The following CRB1 variants were observed in gnomAD, a reference collection of about 807,000 sequenced individuals.
CRB1 encodes crumbs cell polarity complex component 1, also known as protein crumbs homolog 1.
A neutral mutation model predicts 120.0 loss-of-function variants in CRB1; 83 were observed. The observed-to-expected ratio is 0.69, with a 90% CI of 0.58 to 0.83. CRB1 has a LOEUF of 0.83. Ranked by LOEUF, CRB1 falls within the 40% of genes least tolerant of loss-of-function variation. CRB1 has a pLI of 0.00. For missense variants in CRB1, 1,699 were observed against 1,687.6 expected (o/e 1.01, Z -0.12); for synonymous variants, 625 against 612.5 (o/e 1.02, Z -0.30).
intron 5 of CRB1, among the ~76,000 whole-genome samples, chr1:197,368,221 C>G (rs1477263393): frequency 6.6e-6 from 1 of 151,378 alleles, no homozygotes; most frequent in Admixed American, 6.6e-5. Flanking sequence ...TTTTTTCTTA[C>G]TTACAATTTC....
At chr1:197,333,207 C>T (rs1400271326) in intron 2 of CRB1, among the ~76,000 whole-genome samples, 6 of 152,158 alleles carry the variant, frequency 3.9e-5, no homozygotes, top group South Asian at 2.1e-4. Context: ...GTTCACACTG[C>T]GTGAATTCTC....
At chr1:197,309,782 A>G (rs1657407529) in intron 1 of CRB1, among the ~76,000 whole-genome samples, 1 of 150,914 alleles carries the variant, frequency 6.6e-6, no homozygotes, top group African/African-American at 2.4e-5. Context: ...ATAAATAAAT[A>G]AATAAATAAA....
chr1:197,231,488 CAG>C, the CRB1 span, among the ~76,000 whole-genome samples: 1 of 151,990 alleles, frequency 6.6e-6, no homozygotes, highest in African/African-American at 2.4e-5. Flanking sequence ...AAAAGGACAA[CAG>C]GGGAACACTC....
intron 11 of CRB1, among the ~76,000 whole-genome samples, chr1:197,460,841 A>G (rs1373635184): frequency 2.6e-5 from 4 of 152,176 alleles, no homozygotes; most frequent in Admixed American, 1.3e-4. Flanking sequence ...AAGAGATGCC[A>G]TTACACATAG....
At chr1:197,255,867 G>T in the CRB1 span, among the ~76,000 whole-genome samples, 1 of 149,892 alleles carries the variant, frequency 6.7e-6, no homozygotes, top group South Asian at 2.1e-4. Flanking sequence ...CTTTCTATAG[G>T]ATAGGAGGAG....
At chr1:197,429,700 AC>A in intron 8 of CRB1, 86 bp downstream of exon 8, 1 of 1,370,528 alleles carries the variant, frequency 7.3e-7, no homozygotes, top group Non-Finnish European at 1.0e-6. Flanking sequence ...AAGAGTATAG[AC>A]AAAGCCAGTT....
the CRB1 span, among the ~76,000 whole-genome samples, chr1:197,262,454 C>G: frequency 6.6e-6 from 1 of 152,096 alleles, no homozygotes; most frequent in Admixed American, 6.6e-5. Context: ...ACATTTTAGA[C>G]TTTAACGACA....
intron 5 of CRB1, among the ~76,000 whole-genome samples, chr1:197,378,716 G>GT (rs35012524): frequency 0.25 from 38,656 of 152,022 alleles, 5,388 homozygotes; most frequent in Middle Eastern, 0.39. Context: ...TTTTCAAAGA[G>GT]TTTCTTCAGA....
At chr1:197,222,075 A>T in the CRB1 span, 18 of 199,092 alleles carry the variant, frequency 9.0e-5, no homozygotes, top group Non-Finnish European at 1.8e-4. Flanking sequence ...TACTTTTTTT[A>T]AAAAATATAT....
At chr1:197,254,847 A>C in the CRB1 span, among the ~76,000 whole-genome samples, 1 of 152,096 alleles carries the variant, frequency 6.6e-6, no homozygotes, top group African/African-American at 2.4e-5. Flanking sequence ...ACATCAATTC[A>C]ATGTTTGCAA....
chr1:197,383,800 T>C (rs1029050448), intron 5 of CRB1, among the ~76,000 whole-genome samples: 1 of 152,230 alleles, frequency 6.6e-6, no homozygotes, highest in Non-Finnish European at 1.5e-5. Flanking sequence ...GGTATTTTTA[T>C]TTTGTTTTAC....
intron 1 of CRB1, among the ~76,000 whole-genome samples, chr1:197,277,484 C>T (rs751892665): frequency 1.2e-4 from 18 of 151,958 alleles, no homozygotes; most frequent in Non-Finnish European, 2.4e-4. Flanking sequence ...TATGTCTAGT[C>T]AGATGGTCTC....
chr1:197,255,965 T>TTATATATATATATATATATATA, the CRB1 span, among the ~76,000 whole-genome samples: 23 of 85,328 alleles, frequency 2.7e-4, 1 homozygote, highest in South Asian at 5.1e-4. Context: ...ATAGAACATT[T>TTATATATATATATATATATATA]TATATATATA....
At position 197,340,297 on chromosome 1, in the gene CRB1, T is replaced by C. The variant is rs540415903; in HGVS notation, c.653-3984T>C. Among the ~76,000 whole-genome samples, 3 of 152,218 alleles carry C rather than the reference T, an allele frequency of 2.0e-5. No individual in the cohort carries two copies. The East Asian group carries it at 5.8e-4, about 29-fold the overall frequency. On this transcript the variant is annotated intron_variant, in intron 2 of 11. Transcript: ENST00000367400. ...ATTACAAGTAAGGGAAATACCTATA[T>C]GCAGCCTGGAGTCTTGAGATACAGT...
chr1:197,471,657 T>C (rs1031526270), intron 11 of CRB1, among the ~76,000 whole-genome samples: 2 of 152,210 alleles, frequency 1.3e-5, no homozygotes, highest in African/African-American at 4.8e-5. Context: ...GAGTTCTCTC[T>C]TTTGGCTTTT....
At chr1:197,418,585 C>T (rs554208893) in intron 5 of CRB1, among the ~76,000 whole-genome samples, 26 of 152,230 alleles carry the variant, frequency 1.7e-4, no homozygotes, top group African/African-American at 6.0e-4. Context: ...AGTGCCTAGA[C>T]GTGTAGATCA....
chr1:197,213,960 C>T, the CRB1 span, among the ~76,000 whole-genome samples: 49 of 152,012 alleles, frequency 3.2e-4, 1 homozygote, highest in Non-Finnish European at 8.8e-5. Flanking sequence ...TAACTTTCCA[C>T]CTCAAAGAAG....
chr1:197,259,449 G>A, the CRB1 span, among the ~76,000 whole-genome samples: 1 of 152,194 alleles, frequency 6.6e-6, no homozygotes, highest in Admixed American at 6.5e-5. Context: ...AACACTGCAT[G>A]TTCTCACTCA....
At chr1:197,267,877 C>T (rs1654693136), upstream of CRB1, among the ~76,000 whole-genome samples, 1 of 152,076 alleles carries the variant, frequency 6.6e-6, no homozygotes, top group African/African-American at 2.4e-5. Flanking sequence ...TCTGTCTTGG[C>T]CCAACTTACA....
Sources: gnomAD v4.1 joint callset for allele counts (sites outside exome capture counted in the v4.1 genomes callset) on GRCh38, gnomAD v4.1.1 for gene constraint, MANE v1.5 for transcripts, NCBI Gene and HGNC (gene_info 2026-07-23, HGNC 2026-07-21) for gene names.